Variants in FNDC3B observed in about 807,000 individuals in gnomAD.
FNDC3B encodes the protein fibronectin type III domain containing 3B, also known as fibronectin type III domain-containing protein 3B.
A neutral mutation model predicts 151.5 loss-of-function variants in FNDC3B; 12 were observed. The ratio of observed to expected loss-of-function variants is 0.08; its 90% CI spans 0.05 to 0.13. The LOEUF is 0.13. Among genes scored for constraint, FNDC3B ranks in the 10% least tolerant of loss-of-function variants. The probability of loss-of-function intolerance (pLI) is 1.00; values close to 1 mark genes in which losing one functional copy is unlikely to be tolerated. For missense variants in FNDC3B, 1,214 were observed against 1,505.3 expected (o/e 0.81, Z 3.20); for synonymous variants, 528 against 549.0 (o/e 0.96, Z 0.54).
chr3:172,380,849 C>A, intron 24 of FNDC3B, 117 bp from the exon 25 acceptor site: 2 of 1,203,820 alleles, frequency 1.7e-6, no homozygotes, highest in Non-Finnish European at 2.4e-6. Context: ...GCTCCTCTCT[C>A]AGGGCAAACA....
chr3:172,238,892 TAAG>T (rs1156780561), intron 4 of FNDC3B, among the ~76,000 whole-genome samples: 6 of 152,238 alleles, frequency 3.9e-5, no homozygotes, highest in East Asian at 1.9e-4. Flanking sequence ...TTATTTAAAA[TAAG>T]AAGATCAGGA....
intron 1 of FNDC3B, among the ~76,000 whole-genome samples, chr3:172,057,439 C>T (rs185781598): frequency 1.6e-4 from 24 of 152,292 alleles, no homozygotes; most frequent in Non-Finnish European, 3.2e-4. Flanking sequence ...GCAGAGATGT[C>T]AATCAATAGA....
At chr3:172,103,780 A>G (rs911214007) in intron 1 of FNDC3B, among the ~76,000 whole-genome samples, 8 of 152,244 alleles carry the variant, frequency 5.3e-5, no homozygotes, top group Non-Finnish European at 8.8e-5. Context: ...TTTAAGGTTA[A>G]GAACTTTTTC....
intron 2 of FNDC3B, among the ~76,000 whole-genome samples, chr3:172,122,931 T>C (rs1376785547): frequency 6.6e-6 from 1 of 152,218 alleles, no homozygotes; most frequent in African/African-American, 2.4e-5. Flanking sequence ...TCCATTTCTG[T>C]TGTTTAAAAA....
chr3:172,088,133 T>G (rs1046820049), intron 1 of FNDC3B, among the ~76,000 whole-genome samples: 1 of 151,894 alleles, frequency 6.6e-6, no homozygotes, highest in African/African-American at 2.4e-5. Context: ...AAATGAGTGT[T>G]GTACAGCTAT....
chr3:172,315,515 C>G (rs548922690), intron 11 of FNDC3B, among the ~76,000 whole-genome samples: 1 of 152,294 alleles, frequency 6.6e-6, no homozygotes, highest in South Asian at 2.1e-4. Context: ...TGTGGTGACT[C>G]GTGAGCTTTA....
At chr3:172,232,530 C>T (rs1022417400) in intron 4 of FNDC3B, among the ~76,000 whole-genome samples, 2 of 152,106 alleles carry the variant, frequency 1.3e-5, no homozygotes, top group South Asian at 2.1e-4. Context: ...GTCATTTCAG[C>T]TTGGTGGTTT....
chr3:172,307,526 T>G (rs374545135), intron 10 of FNDC3B, 25 bp downstream of exon 10: 9 of 1,613,198 alleles, frequency 5.6e-6, no homozygotes, highest in African/African-American at 2.7e-5. Context: ...GCATCAAGAA[T>G]CGTCTCAATT....
At chr3:172,309,277 C>A (rs189928950) in intron 10 of FNDC3B, among the ~76,000 whole-genome samples, 9 of 152,266 alleles carry the variant, frequency 5.9e-5, no homozygotes, top group Admixed American at 2.0e-4. Flanking sequence ...TCCACAAAGA[C>A]GCTGAAAGCA....
chr3:172,104,686 G>A (rs1719555190), intron 1 of FNDC3B, among the ~76,000 whole-genome samples: 1 of 152,142 alleles, frequency 6.6e-6, no homozygotes, highest in Non-Finnish European at 1.5e-5. Context: ...TTGGTGTAGT[G>A]TTACTGGGAA....
chr3:172,304,635 G>C (rs753170430), intron 9 of FNDC3B, among the ~76,000 whole-genome samples: 1 of 152,150 alleles, frequency 6.6e-6, no homozygotes, highest in Non-Finnish European at 1.5e-5. Context: ...AGTGGCTCAC[G>C]CCTGTAATCC....
chr3:172,352,135 A>G lies in FNDC3B; in HGVS notation c.2515-668A>G, dbSNP rs150461900. Among the ~76,000 whole-genome samples, 1,346 of 152,284 alleles carry G rather than the reference A, an allele frequency of 8.8e-3. 11 individuals carry two copies. Among genetic ancestry groups the G allele is most frequent in the Non-Finnish European group, 0.014 (936 of 68,014 alleles). ...GTTCAGGGGATGGTGGCAACCAGGA[A>G]AGGTGATTGAGAAGCAGCAGGAGGT... On this transcript the variant is annotated intron_variant, in intron 21 of 25. Transcript: ENST00000415807. This position sits in a 1 kb window ranked among gnomAD's most constrained non-coding sequence, Gnocchi z 4.2.
chr3:172,324,248 A>G (rs1337067348), intron 11 of FNDC3B, among the ~76,000 whole-genome samples: 2 of 151,978 alleles, frequency 1.3e-5, no homozygotes, highest in African/African-American at 4.8e-5. Context: ...CATGCTGTGA[A>G]TATGAGTCGA....
intron 7 of FNDC3B, among the ~76,000 whole-genome samples, chr3:172,292,384 C>G (rs1730388762): frequency 6.6e-6 from 1 of 152,206 alleles, no homozygotes; most frequent in African/African-American, 2.4e-5. Flanking sequence ...TGAAGGCTTG[C>G]TTAGGGACTC....
At chr3:172,052,658 G>A (rs531262635) in intron 1 of FNDC3B, among the ~76,000 whole-genome samples, 3 of 152,288 alleles carry the variant, frequency 2.0e-5, no homozygotes, top group East Asian at 1.9e-4. Context: ...GGAGAGGGGC[G>A]GTGCCTGTGA....
rs1716060733 is a variant in FNDC3B at position 172,041,429 on chromosome 3, C to CT, written c.-29+1658_-29+1659insT. On this transcript the variant is annotated intron_variant, in intron 1 of 25. Transcript: ENST00000415807. ...CTTCTCTCTCCTTCCTTCCTTCCTT[C>CT]CTTCCTTCCTTCCTTCCTTCCTTCT... 1.1e-3 allele frequency among the ~76,000 whole-genome samples: 149 copies of CT among 136,334 alleles called. 2 individuals carry two copies. Among genetic ancestry groups the CT allele is most frequent in the Admixed American group, 3.6e-3 (51 of 14,086 alleles). The allele number at this position is 136,334 out of a possible 152,430, so 89.4% of individuals were successfully genotyped here. A position where few individuals can be genotyped will look rare whatever the true frequency, so the allele number is the denominator to read the frequency against.
Position 172,300,838 on chromosome 3 carries a change from C to T in FNDC3B, c.1061+2051C>T, listed in dbSNP as rs79067190. ...AACATCCTTTCTCTCCTAATAAAAA[C>T]GTCTATAGTCCAGATTTAGTCTTTG... On this transcript the variant is annotated intron_variant, in intron 9 of 25. Coordinates refer to ENST00000415807, the MANE Select transcript of FNDC3B (RefSeq NM_022763.4). Among the ~76,000 whole-genome samples the T allele has an allele frequency of 2.9e-3, 447 of 152,288 alleles. 11 individuals are homozygous for T. The East Asian group carries it at 0.046, about 16-fold the overall frequency.
In FNDC3B at chr3:172,090,499, T is replaced by C. The variant is rs368925203; in HGVS notation, c.-28-21953T>C. On this transcript the variant is annotated intron_variant, in intron 1 of 25. Transcript: ENST00000415807. Reference sequence around the variant, plus strand: ...GTGCTTAGGAACACAGAAATAGTTCTTGGTGAGAACAGAATAATCCAAGTT... The same window carrying C: ...GTGCTTAGGAACACAGAAATAGTTCCTGGTGAGAACAGAATAATCCAAGTT... 6.6e-4 allele frequency among the ~76,000 whole-genome samples: 100 copies of C among 152,274 alleles called. 1 individual carries two copies. Among genetic ancestry groups the C allele is most frequent in the African/African-American group, 2.4e-3 (98 of 41,568 alleles).
chr3:172,247,492 C>T (rs1214113754), intron 4 of FNDC3B, 41 bp from the exon 5 acceptor site: 1 of 1,595,296 alleles, frequency 6.3e-7, no homozygotes, highest in Non-Finnish European at 8.6e-7. Context: ...TCATAGGCTG[C>T]TAATATGTAC....
Sources: gnomAD v4.1 joint callset for allele counts (sites outside exome capture counted in the v4.1 genomes callset) on GRCh38, gnomAD v4.1.1 for gene constraint, Gnocchi (gnomAD v3.1) non-coding constraint, MANE v1.5 for transcripts, NCBI Gene and HGNC (gene_info 2026-07-23, HGNC 2026-07-21) for gene names.